IAH1: variants seen among roughly 807,000 people sequenced by gnomAD.
IAH1 encodes the protein isoamyl acetate hydrolyzing esterase 1 (putative).
A neutral mutation model predicts 26.7 loss-of-function variants in IAH1; 24 were observed. The ratio of observed to expected loss-of-function variants is 0.90; its 90% CI spans 0.65 to 1.26. IAH1 has a LOEUF of 1.26. IAH1 is among the 50% of genes most tolerant of loss of function. The pLI, the probability that IAH1 is intolerant of heterozygous loss-of-function variation, is 0.00. For missense variants in IAH1, 300 were observed against 299.9 expected (o/e 1.00, Z 0.00); for synonymous variants, 140 against 118.5 (o/e 1.18, Z -1.18).
the IAH1 span, among the ~76,000 whole-genome samples, chr2:9,502,682 G>A: frequency 6.6e-6 from 1 of 151,824 alleles, no homozygotes; most frequent in Admixed American, 6.6e-5. Flanking sequence ...AGTTCGAGAT[G>A]AGCCTGGCCA....
In IAH1 at chr2:9,494,912, C is replaced by T. The variant is rs192994887; in HGVS notation, c.*222+52C>T. 4 of 958,726 alleles carry T rather than the reference C, an allele frequency of 4.2e-6. No individual in the cohort carries two copies. The East Asian group carries it at 8.4e-5, about 20-fold the overall frequency. The allele number at this position is 958,726 out of a possible 1,614,324, so 59.4% of individuals were successfully genotyped here. On this transcript the variant is annotated intron_variant, in intron 6 of 6. Coordinates refer to the IAH1 transcript ENST00000481367. ...TAAATAGCTAATACTATCCATAGCCCCCACCAAGGAGTAGTTTCTGAGGTC... is the reference window on the plus strand; with the variant it reads ...TAAATAGCTAATACTATCCATAGCCTCCACCAAGGAGTAGTTTCTGAGGTC...
rs1481819665 is a variant in IAH1 at position 9,489,514 on chromosome 2, T to C, written c.*1185T>C. Reference sequence around the variant, plus strand: ...GGTAGATTCCATAAATTCAACTGGCTACCATGTATAGCCCTCACTGTAAGG... The same window carrying C: ...GGTAGATTCCATAAATTCAACTGGCCACCATGTATAGCCCTCACTGTAAGG... On this transcript the variant is annotated 3_prime_UTR_variant, in exon 6 of 6. Coordinates refer to ENST00000497473, the MANE Select transcript of IAH1 (RefSeq NM_001039613.3). 1 of 152,410 alleles carries C rather than the reference T, an allele frequency of 6.6e-6. No homozygotes were observed. Among genetic ancestry groups the C allele is most frequent in the Non-Finnish European group, 1.5e-5 (1 of 68,016 alleles). 9.4% of individuals were successfully genotyped at this position (152,410 alleles called of 1,614,324 possible).
chr2:9,490,333 G>A (rs376241260), downstream of IAH1: 48 of 1,613,938 alleles, frequency 3.0e-5, 1 homozygote, highest in South Asian at 2.1e-4. Context: ...ACCCATCCTC[G>A]TCCATATGTG....
the IAH1 span, among the ~76,000 whole-genome samples, chr2:9,501,784 A>C: frequency 2.6e-5 from 4 of 152,240 alleles, no homozygotes; most frequent in African/African-American, 9.6e-5. Flanking sequence ...TCTGTAGCAC[A>C]ATATGGGTAA....
At chr2:9,483,964 G>A (rs141689476) in intron 4 of IAH1, among the ~76,000 whole-genome samples, 6 of 152,326 alleles carry the variant, frequency 3.9e-5, no homozygotes, top group African/African-American at 7.2e-5. Flanking sequence ...GTCTAAAGCC[G>A]ACAAATGATT....
At chr2:9,494,537 C>CA (rs1405955794), downstream of IAH1, 6 of 1,380,010 alleles carry the variant, frequency 4.3e-6, no homozygotes, top group Non-Finnish European at 6.0e-6. Flanking sequence ...GATGTAGCCC[C>CA]ACTTGTGTTT....
At chr2:9,487,819 TGTGTGTGTGTGTGTGCGCGCGCGC>T (rs1558484839) in intron 5 of IAH1, among the ~76,000 whole-genome samples, 1 of 107,546 alleles carries the variant, frequency 9.3e-6, no homozygotes, top group African/African-American at 3.6e-5. Context: ...TGTGTGTGTG[TGTGTGTGTGTGTGTGCGCGCGCGC>T]GCGCGCGCTG....
At chr2:9,491,973 C>A (rs1182479790), downstream of IAH1, among the ~76,000 whole-genome samples, 1 of 152,232 alleles carries the variant, frequency 6.6e-6, no homozygotes, top group Admixed American at 6.5e-5. Flanking sequence ...AAGCTTCAAG[C>A]ACGTCACCTT....
chr2:9,481,451 A>G lies in IAH1; in HGVS notation c.445+4A>G. On this transcript the variant is annotated splice_donor_region_variant and intron_variant, in intron 4 of 5. Coordinates refer to ENST00000497473, the MANE Select transcript of IAH1 (RefSeq NM_001039613.3). Reference sequence around the variant, plus strand: ...GAAGAACAGTGCATCATACAAGGTAAACAAACCACAGCCAATCTCGGCAAA... The same window carrying G: ...GAAGAACAGTGCATCATACAAGGTAGACAAACCACAGCCAATCTCGGCAAA... 6.2e-7 allele frequency: 1 copy of G among 1,614,070 alleles called. No homozygotes were observed. Among genetic ancestry groups the G allele is most frequent in the South Asian group, 1.1e-5 (1 of 91,038 alleles).
downstream of IAH1, chr2:9,497,320 CTG>C (rs2124977140): frequency 5.1e-6 from 8 of 1,578,674 alleles, no homozygotes; most frequent in Non-Finnish European, 6.0e-6. Flanking sequence ...GCATAATACG[CTG>C]TTTCTCATAC....
Position 9,474,623 on chromosome 2 carries a change from G to T in IAH1, c.57G>T (p.Leu19Phe), listed in dbSNP as rs762377321. ...GTGCCCTGCTCTGGCCTCGCTTGTTGCTCTTCGGGGACTCCATCACCCAGG... is the reference window on the plus strand; with the variant it reads ...GTGCCCTGCTCTGGCCTCGCTTGTTTCTCTTCGGGGACTCCATCACCCAGG... ...CGSALLWPRLLLFGDSITQFS... is the reference protein window; with the variant it reads ...CGSALLWPRLFLFGDSITQFS... Residue 19 changes from leucine to phenylalanine, a missense_variant, in exon 1 of 6, where the codon TTG (leucine) becomes TTT (phenylalanine). Transcript: ENST00000497473. This position sits in a 1 kb window ranked among gnomAD's most constrained non-coding sequence, Gnocchi z 4.3. 24 of 1,554,960 alleles carry T rather than the reference G, an allele frequency of 1.5e-5. No homozygotes were observed. The Middle Eastern group carries it at 5.3e-4, about 34-fold the overall frequency.
At chr2:9,487,093 T>C (rs1661543735) in intron 5 of IAH1, among the ~76,000 whole-genome samples, 1 of 151,910 alleles carries the variant, frequency 6.6e-6, no homozygotes, top group Non-Finnish European at 1.5e-5. Context: ...ATTAGCCAGG[T>C]AGCCAGGTAT....
intron 5 of IAH1, 113 bp from the exon 6 acceptor site, chr2:9,488,034 G>A: frequency 1.4e-6 from 1 of 690,518 alleles, no homozygotes; most frequent in Non-Finnish European, 2.3e-6. Context: ...GTAGAGACAG[G>A]GTCTCAAACT....
At chr2:9,475,627 A>G in intron 1 of IAH1, 1 of 279,232 alleles carries the variant, frequency 3.6e-6, no homozygotes, top group South Asian at 3.9e-5. Flanking sequence ...CAGCCTCCCG[A>G]GTAGCTGGGA....
chr2:9,491,010 G>T, downstream of IAH1: 1 of 1,176,524 alleles, frequency 8.5e-7, no homozygotes, highest in Non-Finnish European at 1.2e-6. Flanking sequence ...CCATCAGCCA[G>T]TGAAAGCTCT....
downstream of IAH1, chr2:9,491,028 T>C: frequency 7.3e-7 from 1 of 1,361,320 alleles, no homozygotes; most frequent in Non-Finnish European, 1.0e-6. Context: ...TCTTGCTGGG[T>C]CAGGTGAAGG....
chr2:9,476,057 T>A lies in IAH1; in HGVS notation c.134+18T>A, dbSNP rs1572828695. 6.2e-7 allele frequency: 1 copy of A among 1,604,678 alleles called. No individual in the cohort carries two copies. On this transcript the variant is annotated intron_variant, in intron 2 of 5. Coordinates refer to ENST00000497473, the MANE Select transcript of IAH1 (RefSeq NM_001039613.3). ...CTGGTCAGGTGAGAATGGTTTCCGA[T>A]ACTTGAGTTCTTATGGATGGAAAAT...
chr2:9,492,831 G>T, downstream of IAH1: 1 of 1,372,754 alleles, frequency 7.3e-7, no homozygotes, highest in South Asian at 1.4e-5. Context: ...CTTTTCCAGA[G>T]ATTACATGGT....
the IAH1 span, chr2:9,502,235 G>C: frequency 2.5e-6 from 4 of 1,613,942 alleles, no homozygotes; most frequent in Non-Finnish European, 3.4e-6. Flanking sequence ...CTTCTGGGCA[G>C]TCTCAAACTG....
Sources: allele counts gnomAD v4.1 joint callset (sites outside exome capture counted in the v4.1 genomes callset), GRCh38; gene constraint gnomAD v4.1.1; non-coding constraint Gnocchi (gnomAD v3.1); transcripts MANE v1.5; gene names NCBI Gene and HGNC (gene_info 2026-07-23, HGNC 2026-07-21).